Variants in MCM3AP observed in about 807,000 individuals in gnomAD.
MCM3AP encodes germinal-center associated nuclear protein.
In MCM3AP, 126 loss-of-function variants were observed where a neutral mutation model predicts 184.1. The observed-to-expected ratio is 0.68, with a 90% confidence interval of 0.59 to 0.79. MCM3AP has a LOEUF of 0.79. Among genes scored for constraint, MCM3AP ranks in the 30% least tolerant of loss-of-function variants. MCM3AP has a pLI of 0.00. For synonymous variants in MCM3AP, 1,002 were observed against 979.3 expected (o/e 1.02, Z -0.43); for missense variants, 2,496 against 2,479.2 (o/e 1.01, Z -0.14).
At chr21:46,281,356 A>T (rs1049546873) in intron 2 of MCM3AP, among the ~76,000 whole-genome samples, 2 of 152,200 alleles carry the variant, frequency 1.3e-5, no homozygotes, top group African/African-American at 4.8e-5. Flanking sequence ...AATACACATC[A>T]CACTAGTTAA....
intron 24 of MCM3AP, among the ~76,000 whole-genome samples, chr21:46,243,151 A>G (rs1428370928): frequency 6.6e-6 from 1 of 152,226 alleles, no homozygotes; most frequent in Non-Finnish European, 1.5e-5. Flanking sequence ...CCCAGGGTCC[A>G]TGCATCACTC....
At chr21:46,257,246 G>A (rs919042720) in intron 16 of MCM3AP, among the ~76,000 whole-genome samples, 5 of 151,994 alleles carry the variant, frequency 3.3e-5, no homozygotes, top group Non-Finnish European at 5.9e-5. Context: ...AGGCCAAGGC[G>A]GGCGGACTGC....
chr21:46,238,747 T>C (rs2080594247), intron 26 of MCM3AP, among the ~76,000 whole-genome samples: 1 of 51,786 alleles, frequency 1.9e-5, no homozygotes, highest in African/African-American at 9.1e-5. Context: ...ACCACTTAAA[T>C]TATAGAGACT....
chr21:46,285,583 C>G lies in MCM3AP; in HGVS notation c.-297G>C. On this transcript the variant is annotated 5_prime_UTR_variant, in exon 1 of 28. Coordinates refer to ENST00000291688, the MANE Select transcript of MCM3AP (RefSeq NM_003906.5). The stretch of plus-strand genomic sequence containing the variant: ...AGTGGTACAAATAATTACTTTGTTA[C>G]AGAGGTTTAAAGCGTGATCCTTTAA... The G allele has an allele frequency of 3.2e-6, 1 of 316,242 alleles. No individual in the cohort carries two copies. The highest frequency in any genetic ancestry group is 5.8e-6 in the Non-Finnish European group (1 of 172,084). 19.6% of individuals were successfully genotyped at this position (316,242 alleles called of 1,614,324 possible).
intron 26 of MCM3AP, among the ~76,000 whole-genome samples, chr21:46,237,393 G>A (rs1364590780): frequency 6.6e-6 from 1 of 151,264 alleles, no homozygotes; most frequent in Non-Finnish European, 1.5e-5. Context: ...GTGAGCCACT[G>A]TGCTTGGCCA....
intron 16 of MCM3AP, among the ~76,000 whole-genome samples, chr21:46,257,879 T>C (rs1247515436): frequency 1.4e-5 from 2 of 147,230 alleles, no homozygotes; most frequent in African/African-American, 5.1e-5. Context: ...GAGCTGTGAT[T>C]GCGCCACTGC....
At position 46,285,153 on chromosome 21, in the gene MCM3AP, A is replaced by T. The variant is rs756175998; in HGVS notation, c.134T>A (p.Leu45Ter). The change falls in exon 1 of 28, where the codon TTA (leucine) becomes TAA (stop). Residue 45 changes from leucine (L) to a stop codon, truncating the protein, a stop_gained. Coordinates refer to ENST00000291688, the MANE Select transcript of MCM3AP (RefSeq NM_003906.5). LOFTEE classifies it high-confidence loss of function. Reference sequence around the variant, plus strand: ...TGAAAATCCCGAGCTCTTCCCAGATAAGGTACTGTTTTGTCCAAAAAGAGA... The same window carrying T: ...TGAAAATCCCGAGCTCTTCCCAGATTAGGTACTGTTTTGTCCAAAAAGAGA... ...QPSLFGQNST[L>*]SGKSSGFSQV... 1.9e-6 allele frequency: 3 copies of T among 1,614,186 alleles called. No homozygotes were observed. The highest frequency in any genetic ancestry group is 1.1e-5 in the South Asian group (1 of 91,086).
At chr21:46,254,099 T>C (rs528550554) in intron 19 of MCM3AP, 2 of 404,234 alleles carry the variant, frequency 4.9e-6, no homozygotes, top group Non-Finnish European at 9.1e-6. Flanking sequence ...CCATGCTTCC[T>C]GTACAGCCGA....
chr21:46,254,695 T>C (rs2080921549), intron 18 of MCM3AP, 81 bp downstream of exon 18: 1 of 1,440,230 alleles, frequency 6.9e-7, no homozygotes, highest in Non-Finnish European at 9.7e-7. Context: ...CAGTTGGAGA[T>C]GCATGAAGGG....
intron 2 of MCM3AP, among the ~76,000 whole-genome samples, chr21:46,281,049 G>A (rs1007914336): frequency 2.2e-4 from 33 of 152,074 alleles, no homozygotes; most frequent in African/African-American, 7.5e-4. Flanking sequence ...CAGGTGATCC[G>A]CCCACCTTGG....
intron 7 of MCM3AP, among the ~76,000 whole-genome samples, chr21:46,273,132 G>A (rs1041040478): frequency 9.9e-5 from 15 of 151,918 alleles, no homozygotes; most frequent in African/African-American, 3.1e-4. Flanking sequence ...GTGCCACCAC[G>A]CCAAGCTAAT....
At chr21:46,257,941 A>G (rs2080982850) in intron 16 of MCM3AP, among the ~76,000 whole-genome samples, 2 of 151,110 alleles carry the variant, frequency 1.3e-5, no homozygotes, top group South Asian at 4.2e-4. Flanking sequence ...AAAAAAAAAA[A>G]GAGCCACATG....
At position 46,235,913 on chromosome 21, in the gene MCM3AP, A is replaced by G. The variant is rs574736593; in HGVS notation, c.5785-487T>C. 1.3e-3 allele frequency among the ~76,000 whole-genome samples: 191 copies of G among 152,308 alleles called. No homozygotes were observed. The South Asian group carries it at 0.02, about 16-fold the overall frequency. Reference sequence around the variant, plus strand: ...CTCCCAAAGTGCTGGGATTACAGGCATGAGCCACCACGCCCAGCCAGTCAT... The same window carrying G: ...CTCCCAAAGTGCTGGGATTACAGGCGTGAGCCACCACGCCCAGCCAGTCAT... On this transcript the variant is annotated intron_variant, in intron 27 of 27. Transcript: ENST00000291688.
intron 13 of MCM3AP, among the ~76,000 whole-genome samples, chr21:46,263,579 T>G (rs1016794798): frequency 2.0e-5 from 3 of 150,446 alleles, no homozygotes; most frequent in African/African-American, 7.3e-5. Context: ...AGGCCAGGAG[T>G]TCGAGACCAT....
In MCM3AP at chr21:46,241,010, T is replaced by C; in HGVS notation, c.5434A>G (p.Ile1812Val). ...ELQLREGRLA[I>V]KPFHPSANNF... ...TTTGCAGAAGGATGAAAAGGCTTTATTGCCAAACTGTAAGTACATGATTTG... is the reference window on the plus strand; with the variant it reads ...TTTGCAGAAGGATGAAAAGGCTTTACTGCCAAACTGTAAGTACATGATTTG... Residue 1812 changes from isoleucine to valine, a missense_variant, in exon 26 of 28, where the codon ATA becomes GTA. By Grantham distance (29) the Ile-to-Val change is conservative (BLOSUM62 3). Transcript: ENST00000291688. 6.2e-7 allele frequency: 1 copy of C among 1,611,098 alleles called. No individual in the cohort carries two copies. The highest frequency in any genetic ancestry group is 8.5e-7 in the Non-Finnish European group (1 of 1,178,032).
rs2080735312 is a variant in MCM3AP at position 46,244,792 on chromosome 21, A to T, written c.5038+15T>A. 1 of 1,592,402 alleles carries T rather than the reference A, an allele frequency of 6.3e-7. No homozygotes were observed. Among genetic ancestry groups the T allele is most frequent in the Admixed American group, 1.7e-5 (1 of 57,954 alleles). On this transcript the variant is annotated intron_variant, in intron 23 of 27. Coordinates refer to ENST00000291688, the MANE Select transcript of MCM3AP (RefSeq NM_003906.5). ...CTGCAGCCACCCACCAGACCTCCCC[A>T]GGTCAAGCACGTACCCCCCAGGGGT...
rs760631704 is a variant in MCM3AP, at chr21:46,251,566, T to TTGC, written c.4250_4252dup (p.Ser1417dup). ...GTTAACAGAAATCATCTGATCCCCTTTGCTGCTAAGTGAGTTGAAAAGCGA... is the reference window on the plus strand; with the variant it reads ...GTTAACAGAAATCATCTGATCCCCTTTGCTGCTGCTAAGTGAGTTGAAAAGCGA... On this transcript the variant is annotated inframe_insertion, in exon 20 of 28. Transcript: ENST00000291688. The TTGC allele has an allele frequency of 1.2e-6, 2 of 1,612,580 alleles. No individual in the cohort carries two copies. Among genetic ancestry groups the TTGC allele is most frequent in the African/African-American group, 2.7e-5 (2 of 74,916 alleles).
intron 11 of MCM3AP, 46 bp downstream of exon 11, chr21:46,265,879 G>A (rs1223885734): frequency 2.0e-6 from 3 of 1,508,282 alleles, no homozygotes; most frequent in Non-Finnish European, 2.7e-6. Flanking sequence ...GCGTTCTGGT[G>A]GGAAAATGCA....
intron 27 of MCM3AP, chr21:46,236,112 T>C (rs1183387716): frequency 6.6e-6 from 1 of 152,234 alleles, no homozygotes; most frequent in Non-Finnish European, 1.5e-5. Flanking sequence ...TAGGTCAGAA[T>C]TCTTTAGGTT....
Sources: gnomAD v4.1 joint callset for allele counts (sites outside exome capture counted in the v4.1 genomes callset) on GRCh38, gnomAD v4.1.1 for gene constraint, MANE v1.5 for transcripts, NCBI Gene and HGNC (gene_info 2026-07-23, HGNC 2026-07-21) for gene names.